Variants in KCNIP4 observed in about 807,000 individuals in gnomAD.
KCNIP4 encodes Kv channel-interacting protein 4.
Under a neutral mutation model 34.0 loss-of-function variants are expected in KCNIP4, and 12 were observed. The ratio of observed to expected loss-of-function variants is 0.35; its 90% CI spans 0.23 to 0.57. The LOEUF (loss-of-function observed/expected upper bound fraction) is 0.57, where lower values mean the gene tolerates loss of function less well. Among genes scored for constraint, KCNIP4 ranks in the 20% least tolerant of loss-of-function variants. The pLI is 0.83. For missense variants in KCNIP4, 238 were observed against 311.7 expected, an observed-to-expected ratio of 0.76 and a Z score of 1.78; for synonymous variants, 124 against 102.2, an observed-to-expected ratio of 1.21 and a Z score of -1.29.
chr4:21,089,222 T>C (rs1354303951), intron 1 of KCNIP4, among the ~76,000 whole-genome samples: 32 of 152,140 alleles, frequency 2.1e-4, no homozygotes, highest in Non-Finnish European at 8.8e-5. Flanking sequence ...ACTTCCCCCT[T>C]GCTGTTCTCA....
intron 1 of KCNIP4, among the ~76,000 whole-genome samples, chr4:21,760,501 G>A (rs1225591746): frequency 6.6e-6 from 1 of 152,202 alleles, no homozygotes; most frequent in Non-Finnish European, 1.5e-5. Context: ...GGCAAATTAT[G>A]GGTTTTAGAG....
intron 1 of KCNIP4, among the ~76,000 whole-genome samples, chr4:21,600,681 T>C (rs1743033749): frequency 6.6e-6 from 1 of 152,110 alleles, no homozygotes; most frequent in South Asian, 2.1e-4. Context: ...CTAGTACTGG[T>C]AAACACTCAT....
intron 1 of KCNIP4, among the ~76,000 whole-genome samples, chr4:21,716,586 TAAA>T (rs1714402306): frequency 6.6e-6 from 1 of 152,104 alleles, no homozygotes; most frequent in Non-Finnish European, 1.5e-5. Flanking sequence ...GCTAGTTCCT[TAAA>T]ACCCTGTAAT....
chr4:21,287,772 A>T (rs547555148), intron 1 of KCNIP4, among the ~76,000 whole-genome samples: 2 of 152,106 alleles, frequency 1.3e-5, no homozygotes, highest in African/African-American at 4.8e-5. Flanking sequence ...GGCTCCCAGG[A>T]TGTTATTTTT....
chr4:20,950,431 G>A (rs1732661964), intron 1 of KCNIP4, among the ~76,000 whole-genome samples: 2 of 152,010 alleles, frequency 1.3e-5, no homozygotes. Context: ...CTTTTCCTGG[G>A]CAGAATGAAT....
chr4:21,155,350 A>G (rs1184776811), intron 1 of KCNIP4, among the ~76,000 whole-genome samples: 2 of 152,264 alleles, frequency 1.3e-5, no homozygotes, highest in East Asian at 3.8e-4. Flanking sequence ...CTTAGAAGAC[A>G]TTATTTTAAG....
rs140930338 is a variant in KCNIP4, at chr4:21,699,014, A to G, written c.61+249557T>C. On this transcript the variant is annotated intron_variant, in intron 1 of 8. Transcript: ENST00000382152. ...TTAATTGAAATTATTTAAGATATAA[A>G]TAGACTCATACACAAAAATCAGCAA... 4.1e-3 allele frequency among the ~76,000 whole-genome samples: 619 copies of G among 152,338 alleles called. 5 individuals are homozygous for G. The highest frequency in any genetic ancestry group is 6.3e-3 in the Non-Finnish European group (428 of 68,030).
At chr4:21,819,120 A>T (rs1722172183) in intron 1 of KCNIP4, among the ~76,000 whole-genome samples, 1 of 152,234 alleles carries the variant, frequency 6.6e-6, no homozygotes, top group Non-Finnish European at 1.5e-5. Context: ...ATTTTTTTAA[A>T]AACAGCATAT....
intron 1 of KCNIP4, among the ~76,000 whole-genome samples, chr4:20,932,788 A>G (rs1730619315): frequency 6.6e-6 from 1 of 152,176 alleles, no homozygotes; most frequent in South Asian, 2.1e-4. Context: ...TTTTGCTATA[A>G]TATACATTAA....
chr4:21,932,152 T>A (rs950297918), intron 1 of KCNIP4, among the ~76,000 whole-genome samples: 2 of 152,148 alleles, frequency 1.3e-5, no homozygotes, highest in Non-Finnish European at 2.9e-5. Context: ...ATGCCTTTTT[T>A]AAATAGGCAC....
chr4:21,612,096 T>C (rs1744205078), intron 1 of KCNIP4, among the ~76,000 whole-genome samples: 1 of 152,216 alleles, frequency 6.6e-6, no homozygotes, highest in Non-Finnish European at 1.5e-5. Context: ...AACTCAGAGT[T>C]AGAATTGAAT....
At chr4:21,661,610 A>G (rs370486375) in intron 1 of KCNIP4, among the ~76,000 whole-genome samples, 8 of 152,284 alleles carry the variant, frequency 5.3e-5, no homozygotes, top group South Asian at 2.1e-4. Flanking sequence ...TATTACATCT[A>G]TCTTACCTAT....
At chr4:21,414,283 A>T (rs1023923222) in intron 1 of KCNIP4, among the ~76,000 whole-genome samples, 2 of 152,230 alleles carry the variant, frequency 1.3e-5, no homozygotes, top group Non-Finnish European at 2.9e-5. Context: ...GAAAAAAAGT[A>T]TTCAGAGAGA....
intron 1 of KCNIP4, among the ~76,000 whole-genome samples, chr4:21,434,601 C>T (rs1002654011): frequency 1.1e-4 from 16 of 152,140 alleles, no homozygotes; most frequent in African/African-American, 3.9e-4. Flanking sequence ...GCTCTGCCTC[C>T]TGTCAGCTCA....
At chr4:20,764,892 G>T (rs577733032) in intron 3 of KCNIP4, among the ~76,000 whole-genome samples, 2 of 152,202 alleles carry the variant, frequency 1.3e-5, no homozygotes, top group East Asian at 3.9e-4. Flanking sequence ...CAATCACAGC[G>T]GTTTATTGAG....
At chr4:21,045,886 T>A (rs1264682547) in intron 1 of KCNIP4, among the ~76,000 whole-genome samples, 3 of 152,246 alleles carry the variant, frequency 2.0e-5, no homozygotes, top group African/African-American at 7.2e-5. Flanking sequence ...TGAATTATTA[T>A]CTGAGAAATT....
At chr4:21,875,484 T>G (rs1305943029) in intron 1 of KCNIP4, among the ~76,000 whole-genome samples, 2 of 152,228 alleles carry the variant, frequency 1.3e-5, no homozygotes, top group African/African-American at 4.8e-5. Context: ...TTGGACATGT[T>G]GCACTTAGTA....
chr4:21,123,205 TA>T lies in KCNIP4; in HGVS notation c.62-240497del, dbSNP rs11413946. ...CTCCAGCCTGAACGACAGAGCAAGT[TA>T]AAAAAAAAAAATTACTGTTGACTTT... is the stretch of plus-strand genomic sequence containing the variant. On this transcript the variant is annotated intron_variant, in intron 1 of 8. Coordinates refer to ENST00000382152, the MANE Select transcript of KCNIP4 (RefSeq NM_025221.6). Among the ~76,000 whole-genome samples, 54 of 149,516 alleles carry T rather than the reference TA, an allele frequency of 3.6e-4. 2 individuals are homozygous for T. In the South Asian group the frequency reaches 7.4e-3, roughly 20 times the overall value.
At chr4:21,828,759 A>G (rs1221479690) in intron 1 of KCNIP4, among the ~76,000 whole-genome samples, 1 of 152,020 alleles carries the variant, frequency 6.6e-6, no homozygotes, top group Non-Finnish European at 1.5e-5. Context: ...GTATATATTC[A>G]ATTTTATTGT....
Sources: gnomAD v4.1 joint callset for allele counts (sites outside exome capture counted in the v4.1 genomes callset) on GRCh38, gnomAD v4.1.1 for gene constraint, MANE v1.5 for transcripts, NCBI Gene and HGNC (gene_info 2026-07-23, HGNC 2026-07-21) for gene names.